ZDHHC21: variants seen among roughly 807,000 people sequenced by gnomAD.
The protein encoded by ZDHHC21 is zDHHC palmitoyltransferase 21.
In ZDHHC21, 15 loss-of-function variants were observed where a neutral mutation model predicts 34.6. That is an observed-to-expected ratio of 0.43 (90% CI 0.29 to 0.67). The LOEUF (loss-of-function observed/expected upper bound fraction) is 0.67, where lower values mean the gene tolerates loss of function less well. Among genes scored for constraint, ZDHHC21 ranks in the 30% least tolerant of loss-of-function variants. ZDHHC21 has a pLI of 0.14. For missense variants in ZDHHC21, 344 were observed against 327.7 expected, an observed-to-expected ratio of 1.05 and a Z score of -0.38; for synonymous variants, 142 against 101.8, an observed-to-expected ratio of 1.40 and a Z score of -2.38.
At position 14,662,453 on chromosome 9, in the gene ZDHHC21, C is replaced by T. The variant is rs1336412916; in HGVS notation, c.254-127G>A. 7.7e-6 allele frequency: 5 copies of T among 649,536 alleles called. No homozygotes were observed. In the South Asian group the frequency reaches 8.6e-5, roughly 11 times the overall value. The allele number at this position is 649,536 out of a possible 1,614,324, so 40.2% of individuals were successfully genotyped here. ...AACTCTAAGAGATTTTTCTTCTAAG[C>T]CTTTGGTATAAATGTGTTTGCCATA... is the stretch of plus-strand genomic sequence containing the variant. On this transcript the variant is annotated intron_variant, in intron 5 of 9. Coordinates refer to ENST00000380916, the MANE Select transcript of ZDHHC21 (RefSeq NM_178566.6).
chr9:14,619,228 G>T, intron 9 of ZDHHC21, 130 bp from the exon 10 acceptor site: 1 of 1,015,622 alleles, frequency 9.8e-7, no homozygotes, highest in Non-Finnish European at 1.4e-6. Context: ...CATAAATACA[G>T]CTTTTCTTTC....
chr9:14,682,583 A>G (rs1417239877), intron 2 of ZDHHC21, among the ~76,000 whole-genome samples: 2 of 152,186 alleles, frequency 1.3e-5, no homozygotes, highest in East Asian at 3.9e-4. Flanking sequence ...CTCCCACACA[A>G]TAATAATGGG....
At chr9:14,643,178 G>T (rs1829678650) in intron 7 of ZDHHC21, among the ~76,000 whole-genome samples, 1 of 152,148 alleles carries the variant, frequency 6.6e-6, no homozygotes, top group African/African-American at 2.4e-5. Context: ...AACCTGGCAG[G>T]TGGAGGTTGC....
At chr9:14,609,792 A>C (rs190016504), downstream of ZDHHC21, among the ~76,000 whole-genome samples, 1 of 152,168 alleles carries the variant, frequency 6.6e-6, no homozygotes, top group Admixed American at 6.5e-5. Context: ...AACTAACTAA[A>C]CTTTAAGAAA....
At chr9:14,689,369 C>T (rs1243213153) in intron 2 of ZDHHC21, among the ~76,000 whole-genome samples, 1 of 152,188 alleles carries the variant, frequency 6.6e-6, no homozygotes, top group African/African-American at 2.4e-5. Flanking sequence ...ATGTATAATG[C>T]AAGCAGGGAT....
chr9:14,663,917 A>G (rs1334254347), intron 5 of ZDHHC21, among the ~76,000 whole-genome samples: 3 of 152,184 alleles, frequency 2.0e-5, no homozygotes, highest in African/African-American at 7.2e-5. Context: ...GCATATTACA[A>G]TGTCACAAGC....
In ZDHHC21 at chr9:14,690,395, C is replaced by G. The variant is rs1379964620; in HGVS notation, c.-224-10G>C. ...GAAAAAGTTCTTCATTCTGTAATTA[C>G]AGATAAAAAGCTTAAAATCAGAAGC... is the stretch of plus-strand genomic sequence containing the variant. On this transcript the variant is annotated splice_polypyrimidine_tract_variant and intron_variant, in intron 1 of 9. Transcript: ENST00000380916. 2 of 454,596 alleles carry G rather than the reference C, an allele frequency of 4.4e-6. No individual in the cohort carries two copies. The highest frequency in any genetic ancestry group is 8.8e-6 in the Non-Finnish European group (2 of 226,458). 28.2% of individuals were successfully genotyped at this position (454,596 alleles called of 1,614,324 possible). A position where few individuals can be genotyped will look rare whatever the true frequency, so the allele number is the denominator to read the frequency against.
intron 7 of ZDHHC21, among the ~76,000 whole-genome samples, chr9:14,654,661 C>A (rs1831866189): frequency 6.6e-6 from 1 of 151,732 alleles, no homozygotes; most frequent in South Asian, 2.1e-4. Flanking sequence ...CAGAAATTAT[C>A]AATGAAAGAA....
intron 2 of ZDHHC21, among the ~76,000 whole-genome samples, 188 bp downstream of exon 2, chr9:14,690,149 G>T (rs1163662417): frequency 6.6e-6 from 1 of 152,146 alleles, no homozygotes; most frequent in Non-Finnish European, 1.5e-5. Context: ...CTTTTCCTGG[G>T]TATGAATCAA....
chr9:14,637,633 A>G (rs1828542991), intron 8 of ZDHHC21, among the ~76,000 whole-genome samples: 1 of 152,028 alleles, frequency 6.6e-6, no homozygotes, highest in Non-Finnish European at 1.5e-5. Flanking sequence ...AGAAAAACCT[A>G]AAGGCTCTAC....
At chr9:14,659,972 A>C (rs13296658) in intron 6 of ZDHHC21, among the ~76,000 whole-genome samples, 64,452 of 151,620 alleles carry the variant, frequency 0.43, 13,804 homozygotes, top group African/African-American at 0.47. Context: ...TTGAGAAACA[A>C]TGTCTATGAT....
chr9:14,620,416 A>T (rs1825099373), intron 8 of ZDHHC21, among the ~76,000 whole-genome samples: 1 of 152,002 alleles, frequency 6.6e-6, no homozygotes, highest in Non-Finnish European at 1.5e-5. Flanking sequence ...CAAATTACAC[A>T]ATCTTATTTT....
chr9:14,653,155 G>C (rs1342102335), intron 7 of ZDHHC21, among the ~76,000 whole-genome samples: 1 of 151,842 alleles, frequency 6.6e-6, no homozygotes, highest in Non-Finnish European at 1.5e-5. Flanking sequence ...TAATAGAAAG[G>C]ATAATAAGAT....
intron 8 of ZDHHC21, among the ~76,000 whole-genome samples, chr9:14,638,136 A>G (rs1564251156): frequency 2.0e-5 from 3 of 152,140 alleles, no homozygotes; most frequent in Non-Finnish European, 4.4e-5. Context: ...TTATGAGGCT[A>G]CAGTAACCAA....
intron 4 of ZDHHC21, among the ~76,000 whole-genome samples, chr9:14,673,610 T>A (rs1835857602): frequency 1.3e-5 from 2 of 151,746 alleles, no homozygotes; most frequent in South Asian, 4.2e-4. Context: ...ACCGGTCAGT[T>A]TTATCATATA....
At chr9:14,623,466 C>T (rs1208021122) in intron 8 of ZDHHC21, among the ~76,000 whole-genome samples, 1 of 151,674 alleles carries the variant, frequency 6.6e-6, no homozygotes, top group Non-Finnish European at 1.5e-5. Context: ...AAGTTCAAGG[C>T]TGCAGTGAGT....
Position 14,613,697 on chromosome 9 carries a change from A to G in ZDHHC21, c.*5269T>C, listed in dbSNP as rs759816907. Reference sequence around the variant, plus strand: ...AAATGGAGACCTTCGAGGTATCAAGAACTCCAAAATATCCCAAATGTTAAA... The same window carrying G: ...AAATGGAGACCTTCGAGGTATCAAGGACTCCAAAATATCCCAAATGTTAAA... On this transcript the variant is annotated 3_prime_UTR_variant, in exon 10 of 10. Transcript: ENST00000380916. 5.3e-5 allele frequency: 8 copies of G among 151,876 alleles called. No homozygotes were observed. Among genetic ancestry groups the G allele is most frequent in the Non-Finnish European group, 8.8e-5 (6 of 67,804 alleles). The allele number at this position is 151,876 out of a possible 1,614,324, so 9.4% of individuals were successfully genotyped here.
intron 2 of ZDHHC21, among the ~76,000 whole-genome samples, chr9:14,681,822 T>A (rs1837432933): frequency 6.6e-6 from 1 of 151,638 alleles, no homozygotes; most frequent in Admixed American, 6.6e-5. Context: ...TCGAAGCCCA[T>A]CAGACTAACA....
At chr9:14,656,285 G>C (rs1832192422) in intron 7 of ZDHHC21, among the ~76,000 whole-genome samples, 1 of 151,768 alleles carries the variant, frequency 6.6e-6, no homozygotes, top group African/African-American at 2.4e-5. Context: ...CTAGAATTTA[G>C]CTTTACTCTA....
Sources: allele counts gnomAD v4.1 joint callset (sites outside exome capture counted in the v4.1 genomes callset), GRCh38; gene constraint gnomAD v4.1.1; transcripts MANE v1.5; gene names NCBI Gene and HGNC (gene_info 2026-07-23, HGNC 2026-07-21).